The following SNAP47 variants were observed in gnomAD, a reference collection of about 807,000 sequenced individuals.
SNAP47 encodes synaptosome associated protein 47.
SNAP47 carries 20 observed loss-of-function variants against 31.4 expected under a neutral mutation model. That is an observed-to-expected ratio of 0.64 (90% CI 0.45 to 0.93). The LOEUF is 0.93. Ranked by LOEUF, SNAP47 falls within the 40% of genes least tolerant of loss-of-function variation. The pLI is 0.00. For missense variants in SNAP47, 492 were observed against 528.5 expected, an observed-to-expected ratio of 0.93 and a Z score of 0.68; for synonymous variants, 194 against 213.4, an observed-to-expected ratio of 0.91 and a Z score of 0.79.
upstream of SNAP47, chr1:227,734,524 T>C: frequency 3.7e-6 from 3 of 811,102 alleles, no homozygotes; most frequent in East Asian, 2.5e-5. Context: ...TCTTTTAAAC[T>C]GATTAAAGTG....
chr1:227,742,717 C>G (rs1661689882), intron 1 of SNAP47, among the ~76,000 whole-genome samples: 1 of 152,202 alleles, frequency 6.6e-6, no homozygotes. Flanking sequence ...GTCTGGGCAG[C>G]CTCTTCAGCC....
At chr1:227,734,392 C>T (rs1558183509), upstream of SNAP47, 1 of 368,178 alleles carries the variant, frequency 2.7e-6, no homozygotes, top group Non-Finnish European at 4.7e-6. Context: ...GGAGTGGAGA[C>T]GCCTTCCTGT....
At chr1:227,730,528 AG>A (rs1660573698), upstream of SNAP47, 5 of 151,570 alleles carry the variant, frequency 3.3e-5, no homozygotes, top group Middle Eastern at 0.014. Flanking sequence ...TGCCCTGTGG[AG>A]GGCTCTATCT....
At chr1:227,754,787 G>A (rs1157612859) in intron 2 of SNAP47, among the ~76,000 whole-genome samples, 1 of 152,194 alleles carries the variant, frequency 6.6e-6, no homozygotes, top group African/African-American at 2.4e-5. Context: ...GAAATTGAGA[G>A]GACTAAAACC....
chr1:227,780,505 G>A (rs769011753), intron 4 of SNAP47, 22 bp from the exon 5 acceptor site: 6 of 1,613,410 alleles, frequency 3.7e-6, no homozygotes, highest in South Asian at 2.2e-5. Context: ...AGCCTCTGCT[G>A]TGATCTTGTG....
chr1:227,733,907 C>A, upstream of SNAP47: 3 of 1,613,466 alleles, frequency 1.9e-6, no homozygotes, highest in Non-Finnish European at 2.5e-6. Flanking sequence ...GTGGCCTCAC[C>A]AGCTGCCCGC....
At chr1:227,742,497 C>G (rs931710750) in intron 1 of SNAP47, among the ~76,000 whole-genome samples, 4 of 152,178 alleles carry the variant, frequency 2.6e-5, no homozygotes, top group Non-Finnish European at 5.9e-5. Flanking sequence ...GTGATGTTTC[C>G]AGAGCTGTAA....
intron 4 of SNAP47, among the ~76,000 whole-genome samples, chr1:227,777,572 G>A (rs1384454801): frequency 6.6e-6 from 1 of 152,190 alleles, no homozygotes; most frequent in Non-Finnish European, 1.5e-5. Flanking sequence ...TATAAAAGAA[G>A]AATATGATGT....
chr1:227,749,348 A>G (rs565403426), intron 2 of SNAP47, among the ~76,000 whole-genome samples: 1 of 151,078 alleles, frequency 6.6e-6, no homozygotes, highest in Non-Finnish European at 1.5e-5. Context: ...TAGAAAGTTT[A>G]CTCCCTCTGC....
chr1:227,759,337 T>A lies in SNAP47; in HGVS notation c.840T>A (p.Tyr280Ter). ...QRFIGKPDMA[Y>*]RLISAKMPEV... Reference sequence around the variant, plus strand: ...TTATTGGAAAGCCAGACATGGCCTATCGTTTGATATCTGCCAAGATGCCAG... The same window carrying A: ...TTATTGGAAAGCCAGACATGGCCTAACGTTTGATATCTGCCAAGATGCCAG... The change falls in exon 3 of 5, where the codon TAT becomes TAA. Residue 280 changes from tyrosine (Y) to a stop codon, truncating the protein, a stop_gained. Coordinates refer to ENST00000617596, the MANE Select transcript of SNAP47 (RefSeq NM_053052.4). LOFTEE classifies it high-confidence loss of function. The A allele has an allele frequency of 1.2e-6, 2 of 1,614,232 alleles. No homozygotes were observed. The highest frequency in any genetic ancestry group is 1.7e-6 in the Non-Finnish European group (2 of 1,180,048).
Position 227,762,051 on chromosome 1 carries a change from G to A in SNAP47, c.988+2566G>A, listed in dbSNP as rs965557001. Among the ~76,000 whole-genome samples, 2 of 152,186 alleles carry A rather than the reference G, an allele frequency of 1.3e-5. No individual in the cohort carries two copies. The highest frequency in any genetic ancestry group is 4.8e-5 in the African/African-American group (2 of 41,446). On this transcript the variant is annotated intron_variant, in intron 3 of 4. Transcript: ENST00000617596. This position sits in a 1 kb window ranked among gnomAD's most constrained non-coding sequence, Gnocchi z 4.2. ...CCTGAGTGTGGGTTGTAGCCACAGC[G>A]AGCACCGTCTTTTCACTTGCACAGC...
chr1:227,774,104 T>G (rs1448370434), intron 4 of SNAP47, among the ~76,000 whole-genome samples: 6 of 152,120 alleles, frequency 3.9e-5, no homozygotes, highest in Non-Finnish European at 8.8e-5. Context: ...CCGTGGCCCA[T>G]CTCCCAGCCT....
chr1:227,763,018 G>A lies in SNAP47; in HGVS notation c.988+3533G>A, dbSNP rs1235081822. Among the ~76,000 whole-genome samples, 1 of 152,120 alleles carries A rather than the reference G, an allele frequency of 6.6e-6. No homozygotes were observed. The highest frequency in any genetic ancestry group is 2.4e-5 in the African/African-American group (1 of 41,404). Reference sequence around the variant, plus strand: ...GTCATCCAGGCTGGAGTGCAGAGGTGCAATCATAGCTCACTGTAACTTCAA... The same window carrying A: ...GTCATCCAGGCTGGAGTGCAGAGGTACAATCATAGCTCACTGTAACTTCAA... On this transcript the variant is annotated intron_variant, in intron 3 of 4. Coordinates refer to ENST00000617596, the MANE Select transcript of SNAP47 (RefSeq NM_053052.4). The surrounding 1 kb of genome is among the most constrained non-coding windows in gnomAD (Gnocchi z 4.2).
chr1:227,764,805 G>A (rs1292343737), intron 3 of SNAP47, among the ~76,000 whole-genome samples: 1 of 152,134 alleles, frequency 6.6e-6, no homozygotes, highest in Non-Finnish European at 1.5e-5. Context: ...TCGGGAGGCT[G>A]AGGCAGGAGA....
intron 4 of SNAP47, among the ~76,000 whole-genome samples, chr1:227,778,117 G>C (rs1233424979): frequency 6.6e-6 from 1 of 152,244 alleles, no homozygotes; most frequent in Non-Finnish European, 1.5e-5. Context: ...AGCGACGGGG[G>C]AAAAAGCCAG....
chr1:227,764,451 G>A (rs1663259185), intron 3 of SNAP47, among the ~76,000 whole-genome samples: 1 of 152,194 alleles, frequency 6.6e-6, no homozygotes, highest in Non-Finnish European at 1.5e-5. Flanking sequence ...TCGTAGGTAG[G>A]GAGGCCCAGG....
chr1:227,752,753 C>T (rs1218200477), intron 2 of SNAP47, among the ~76,000 whole-genome samples: 2 of 152,196 alleles, frequency 1.3e-5, no homozygotes, highest in Non-Finnish European at 2.9e-5. Context: ...AAGATCACCT[C>T]CCCTGGAGTT....
intron 2 of SNAP47, among the ~76,000 whole-genome samples, chr1:227,751,849 C>T (rs1393632502): frequency 4.8e-5 from 7 of 144,740 alleles, no homozygotes; most frequent in Admixed American, 7.2e-5. Context: ...CTGCAAACTC[C>T]GCCTCCCGGG....
At chr1:227,765,439 C>T (rs1178263714) in intron 3 of SNAP47, among the ~76,000 whole-genome samples, 2 of 152,234 alleles carry the variant, frequency 1.3e-5, no homozygotes, top group Non-Finnish European at 2.9e-5. Context: ...GGCCTGTGCA[C>T]TGTGGCTCAG....
Sources: gnomAD v4.1 joint callset for allele counts (sites outside exome capture counted in the v4.1 genomes callset) on GRCh38, gnomAD v4.1.1 for gene constraint, Gnocchi (gnomAD v3.1) non-coding constraint, MANE v1.5 for transcripts, NCBI Gene and HGNC (gene_info 2026-07-23, HGNC 2026-07-21) for gene names.